VAPB: variants seen among roughly 807,000 people sequenced by gnomAD.
VAPB encodes VAMP associated protein B and C.
A neutral mutation model predicts 25.6 loss-of-function variants in VAPB; 7 were observed. The observed-to-expected ratio is 0.27, with a 90% confidence interval of 0.16 to 0.51. VAPB has a LOEUF of 0.51. Ranked by LOEUF, VAPB falls within the 20% of genes least tolerant of loss-of-function variation. VAPB has a pLI of 0.97. For missense variants in VAPB, 266 were observed against 301.3 expected, an observed-to-expected ratio of 0.88 and a Z score of 0.87; for synonymous variants, 112 against 109.2, an observed-to-expected ratio of 1.03 and a Z score of -0.16.
At chr20:58,429,551 A>G (rs1443322918) in intron 2 of VAPB, among the ~76,000 whole-genome samples, 1 of 152,242 alleles carries the variant, frequency 6.6e-6, no homozygotes, top group Non-Finnish European at 1.5e-5. Flanking sequence ...AGGGGGCAGT[A>G]TATCTCAGAC....
chr20:58,415,207 A>G (rs6026252), intron 1 of VAPB, among the ~76,000 whole-genome samples: 51,107 of 152,176 alleles, frequency 0.34, 8,910 homozygotes, highest in African/African-American at 0.35. Flanking sequence ...AAATCCAAGC[A>G]CAGTGGGTCC....
chr20:58,418,470 C>A (rs1375170845), intron 2 of VAPB, 107 bp downstream of exon 2: 3 of 1,400,076 alleles, frequency 2.1e-6, no homozygotes, highest in Non-Finnish European at 2.9e-6. Flanking sequence ...TGATAGAATT[C>A]TCTCCACCCC....
chr20:58,401,780 A>G (rs78797971), intron 1 of VAPB, among the ~76,000 whole-genome samples: 3 of 152,262 alleles, frequency 2.0e-5, no homozygotes, highest in Admixed American at 1.3e-4. Context: ...ACCCAAGCCC[A>G]TATAAAAGGC....
At chr20:58,442,849 TACTAGGTACTCGGGCGGATGGG>T (rs1989192724) in intron 5 of VAPB, among the ~76,000 whole-genome samples, 1 of 152,186 alleles carries the variant, frequency 6.6e-6, no homozygotes, top group Admixed American at 6.5e-5. Flanking sequence ...CCCCAGGACC[TACTAGGTACTCGGGCGGATGGG>T]AGCGAATGGA....
At chr20:58,406,403 T>G (rs567853016) in intron 1 of VAPB, among the ~76,000 whole-genome samples, 7 of 152,184 alleles carry the variant, frequency 4.6e-5, no homozygotes, top group Non-Finnish European at 7.3e-5. Flanking sequence ...CCTGGCCTCT[T>G]CTTGAGTTTA....
chr20:58,395,013 T>C (rs975436050), intron 1 of VAPB, among the ~76,000 whole-genome samples: 2 of 152,226 alleles, frequency 1.3e-5, no homozygotes, highest in Non-Finnish European at 2.9e-5. Context: ...GACCCTGTGT[T>C]ATTATCGCTA....
At chr20:58,417,004 G>A (rs1243486688) in intron 1 of VAPB, among the ~76,000 whole-genome samples, 1 of 152,068 alleles carries the variant, frequency 6.6e-6, no homozygotes, top group Non-Finnish European at 1.5e-5. Context: ...TGATTTTGTT[G>A]AGTCAACATT....
rs1989258747 is a variant in VAPB at position 58,445,329 on chromosome 20, C to T, written c.*1094C>T. On this transcript the variant is annotated 3_prime_UTR_variant, in exon 6 of 6. Transcript: ENST00000475243. ...CCTGACCTCCCCTTGGGGACCTAGC[C>T]TGGAGTCAGGACAAATGGATCGGGC... The T allele has an allele frequency of 2.2e-6, 1 of 454,378 alleles. No individual in the cohort carries two copies. The highest frequency in any genetic ancestry group is 4.4e-6 in the Non-Finnish European group (1 of 226,764). The allele number at this position is 454,378 out of a possible 1,614,324, so 28.1% of individuals were successfully genotyped here.
At chr20:58,421,250 G>A (rs1344618896) in intron 2 of VAPB, among the ~76,000 whole-genome samples, 1 of 152,132 alleles carries the variant, frequency 6.6e-6, no homozygotes, top group African/African-American at 2.4e-5. Flanking sequence ...TACAAATACT[G>A]CAGAATCAAC....
chr20:58,418,890 G>A (rs1281442675), intron 2 of VAPB, among the ~76,000 whole-genome samples: 2 of 152,142 alleles, frequency 1.3e-5, no homozygotes, highest in Admixed American at 6.5e-5. Context: ...ATACTCAAGG[G>A]TGTCAGTTTG....
chr20:58,434,736 G>GTAA, intron 3 of VAPB, 31 bp downstream of exon 3: 1 of 1,115,212 alleles, frequency 9.0e-7, no homozygotes. Context: ...ATTTTTTTCA[G>GTAA]TAACAATAAT....
rs2123105167 is a variant in VAPB, at chr20:58,444,211, A to C, written c.708A>C (p.Val236=). 1 of 1,614,184 alleles carries C rather than the reference A, an allele frequency of 6.2e-7. No homozygotes were observed. The highest frequency in any genetic ancestry group is 2.2e-5 in the East Asian group (1 of 44,872). The change falls in exon 6 of 6, where the codon GTA becomes GTC. Residue 236 remains valine, a synonymous_variant. Coordinates refer to ENST00000475243, the MANE Select transcript of VAPB (RefSeq NM_004738.5). ...TGGTTTTGTTCTTTATCGTTGGTGT[A>C]ATTATTGGGAAGATTGCCTTGTAGA... ...ALVVLFFIVG[V]IIGKIAL
At chr20:58,435,949 C>T (rs1989035716) in intron 3 of VAPB, among the ~76,000 whole-genome samples, 1 of 152,116 alleles carries the variant, frequency 6.6e-6, no homozygotes. Context: ...TGTTTTCGAG[C>T]TGAGTTCTTC....
chr20:58,404,556 A>G (rs1988180953), intron 1 of VAPB, among the ~76,000 whole-genome samples: 2 of 152,336 alleles, frequency 1.3e-5, no homozygotes, highest in South Asian at 4.1e-4. Context: ...CCAGGAGTTA[A>G]GAGTGTGAAC....
intron 1 of VAPB, among the ~76,000 whole-genome samples, chr20:58,412,284 A>G (rs1464777838): frequency 6.6e-6 from 1 of 152,172 alleles, no homozygotes; most frequent in Non-Finnish European, 1.5e-5. Context: ...TTGCTAAGTT[A>G]AAAGTAAAAT....
intron 1 of VAPB, among the ~76,000 whole-genome samples, chr20:58,399,266 C>T (rs191324611): frequency 6.6e-6 from 1 of 151,208 alleles, no homozygotes; most frequent in East Asian, 1.9e-4. Context: ...TGCCATTGTA[C>T]TCCAGCCTGG....
At chr20:58,431,425 T>C (rs1034778029) in intron 2 of VAPB, 1 of 152,232 alleles carries the variant, frequency 6.6e-6, no homozygotes, top group Non-Finnish European at 1.5e-5. Context: ...TATTTTATCA[T>C]TGACAGTAAC....
At chr20:58,443,398 GTTTT>G (rs397773897) in intron 5 of VAPB, among the ~76,000 whole-genome samples, 8 of 112,836 alleles carry the variant, frequency 7.1e-5, no homozygotes, top group Admixed American at 5.7e-4. Context: ...CCACTTTTAG[GTTTT>G]TTTTTTTTTT....
chr20:58,390,976 C>G (rs1373006713), intron 1 of VAPB, among the ~76,000 whole-genome samples: 1 of 152,192 alleles, frequency 6.6e-6, no homozygotes, highest in African/African-American at 2.4e-5. Context: ...CCGAAAAACC[C>G]CACCAAACCT....
Sources: gnomAD v4.1 joint callset for allele counts (sites outside exome capture counted in the v4.1 genomes callset) on GRCh38, gnomAD v4.1.1 for gene constraint, MANE v1.5 for transcripts, NCBI Gene and HGNC (gene_info 2026-07-23, HGNC 2026-07-21) for gene names.